The following LIPC variants were observed in gnomAD, a reference collection of about 807,000 sequenced individuals.
The protein encoded by LIPC is hepatic triacylglycerol lipase.
In LIPC, 44 loss-of-function variants were observed where a neutral mutation model predicts 50.7. That is an observed-to-expected ratio of 0.87 (90% confidence interval 0.68 to 1.11). The LOEUF is 1.11. Among genes scored for constraint, LIPC ranks in the 50% most tolerant of loss-of-function variants. The probability of loss-of-function intolerance (pLI) is 0.00; values close to 1 mark genes in which losing one functional copy is unlikely to be tolerated. For synonymous variants in LIPC, 271 were observed against 256.4 expected (o/e 1.06, Z -0.54); for missense variants, 697 against 648.2 (o/e 1.08, Z -0.82).
At chr15:58,559,358 C>T (rs1354320499) in intron 6 of LIPC, among the ~76,000 whole-genome samples, 2 of 152,216 alleles carry the variant, frequency 1.3e-5, no homozygotes, top group Non-Finnish European at 2.9e-5. Context: ...TAAGCACCTA[C>T]TGTGTGCAAG....
At chr15:58,560,233 G>A (rs1195656586) in intron 6 of LIPC, among the ~76,000 whole-genome samples, 6 of 152,204 alleles carry the variant, frequency 3.9e-5, no homozygotes, top group Admixed American at 2.0e-4. Flanking sequence ...ATCAGTAGGA[G>A]GACATTCCAG....
intron 1 of LIPC, chr15:58,436,805 T>C (rs1202299356): frequency 2.2e-6 from 1 of 456,220 alleles, no homozygotes; most frequent in Admixed American, 2.3e-5. Context: ...TGTTGAAGGA[T>C]GGTATCCGGA....
intron 4 of LIPC, among the ~76,000 whole-genome samples, chr15:58,545,070 T>G (rs1893475359): frequency 6.6e-6 from 1 of 152,214 alleles, no homozygotes; most frequent in Non-Finnish European, 1.5e-5. Flanking sequence ...GGGAAATTAT[T>G]GACAACATAC....
chr15:58,512,328 A>T (rs1892353956), intron 1 of LIPC, among the ~76,000 whole-genome samples: 1 of 152,166 alleles, frequency 6.6e-6, no homozygotes, highest in Non-Finnish European at 1.5e-5. Context: ...CGAACTCCTG[A>T]CGTCAGGTCA....
intron 1 of LIPC, among the ~76,000 whole-genome samples, chr15:58,453,793 G>C (rs569723424): frequency 1.3e-5 from 2 of 151,944 alleles, no homozygotes; most frequent in Middle Eastern, 6.8e-3. Context: ...GGGAGGCTGA[G>C]GTGGGAGAAT....
intron 1 of LIPC, among the ~76,000 whole-genome samples, chr15:58,447,522 G>A (rs1893742302): frequency 2.0e-5 from 3 of 152,200 alleles, no homozygotes; most frequent in Admixed American, 1.3e-4. Flanking sequence ...CAGCAGGAGT[G>A]AGAAGAGGCG....
chr15:58,506,637 G>T (rs566483785), intron 1 of LIPC, among the ~76,000 whole-genome samples: 11 of 152,266 alleles, frequency 7.2e-5, no homozygotes, highest in African/African-American at 2.6e-4. Context: ...CTGCTGAGAG[G>T]CTCCCCTAAC....
intron 1 of LIPC, among the ~76,000 whole-genome samples, chr15:58,510,934 T>C (rs1392352115): frequency 6.6e-6 from 1 of 152,250 alleles, no homozygotes; most frequent in Admixed American, 6.5e-5. Context: ...CTTCCAGAAA[T>C]ACTTTAGTAT....
At chr15:58,477,129 G>C (rs1891026701) in intron 1 of LIPC, among the ~76,000 whole-genome samples, 1 of 152,192 alleles carries the variant, frequency 6.6e-6, no homozygotes, top group Non-Finnish European at 1.5e-5. Flanking sequence ...ATAGTCCACA[G>C]GCATCAGAGG....
In LIPC at chr15:58,568,829, ATTT is replaced by A. The variant is rs1430552865; in HGVS notation, c.*3_*5del. 1 of 1,543,684 alleles carries A rather than the reference ATTT, an allele frequency of 6.5e-7. No individual in the cohort carries two copies. The highest frequency in any genetic ancestry group is 2.3e-5 in the East Asian group (1 of 44,008). ...ACATCAAAGCGAAAGATCAGATGAG[ATTT>A]AATGAAGACCCAGTGTAAAGAATAA... On this transcript the variant is annotated 3_prime_UTR_variant, in exon 9 of 9. Transcript: ENST00000299022.
chr15:58,541,998 C>G, intron 3 of LIPC, 31 bp downstream of exon 3: 2 of 1,588,524 alleles, frequency 1.3e-6, no homozygotes, highest in East Asian at 2.3e-5. Context: ...TCCTTCACCT[C>G]CCTTCCCTCC....
chr15:58,499,422 G>T (rs1891894021), intron 1 of LIPC, among the ~76,000 whole-genome samples: 1 of 152,164 alleles, frequency 6.6e-6, no homozygotes, highest in Non-Finnish European at 1.5e-5. Flanking sequence ...CCTAAACTAG[G>T]ATTCTTTAGG....
At chr15:58,432,788 G>A (rs546445539) in intron 1 of LIPC, among the ~76,000 whole-genome samples, 2 of 152,302 alleles carry the variant, frequency 1.3e-5, no homozygotes, top group African/African-American at 2.4e-5. Flanking sequence ...ATAAATGACG[G>A]ATCAGTTAAT....
chr15:58,557,655 G>A (rs536342617), intron 6 of LIPC, among the ~76,000 whole-genome samples: 4 of 152,176 alleles, frequency 2.6e-5, no homozygotes, highest in African/African-American at 9.6e-5. Context: ...AAAGTGCTGG[G>A]ATTACAGGCG....
At chr15:58,538,713 G>T (rs2140906805) in intron 2 of LIPC, among the ~76,000 whole-genome samples, 196 bp downstream of exon 2, 1 of 152,268 alleles carries the variant, frequency 6.6e-6, no homozygotes, top group South Asian at 2.1e-4. Context: ...TGAGTAAGCA[G>T]CGTGAGAAAA....
rs151028407 is a variant in LIPC, at chr15:58,518,232, C to G, written c.89-20101C>G. ...AACCAAAACTATCTCCAGGTGTTGC[C>G]ATGTTTCCAAATGCCCCAAGGTGGG... is the stretch of plus-strand genomic sequence containing the variant. On this transcript the variant is annotated intron_variant, in intron 1 of 8. Transcript: ENST00000299022. 1.1e-3 allele frequency among the ~76,000 whole-genome samples: 165 copies of G among 152,326 alleles called. 3 individuals are homozygous for G. In the East Asian group the frequency reaches 0.028, roughly 26 times the overall value.
At chr15:58,530,410 C>T (rs1363137761) in intron 1 of LIPC, among the ~76,000 whole-genome samples, 2 of 152,232 alleles carry the variant, frequency 1.3e-5, no homozygotes, top group African/African-American at 4.8e-5. Context: ...ACAGCCTGTC[C>T]TCTCAGGCCT....
intron 1 of LIPC, among the ~76,000 whole-genome samples, chr15:58,477,191 G>C (rs780715487): frequency 6.6e-6 from 1 of 152,242 alleles, no homozygotes; most frequent in African/African-American, 2.4e-5. Context: ...GAGGAAAGCA[G>C]CTTTGCTATC....
chr15:58,566,863 C>T (rs1361424978), intron 8 of LIPC, among the ~76,000 whole-genome samples: 1 of 152,102 alleles, frequency 6.6e-6, no homozygotes, highest in Non-Finnish European at 1.5e-5. Context: ...GGACAACACC[C>T]AGAGTTAGTA....
Sources: allele counts gnomAD v4.1 joint callset (sites outside exome capture counted in the v4.1 genomes callset), GRCh38; gene constraint gnomAD v4.1.1; transcripts MANE v1.5; gene names NCBI Gene and HGNC (gene_info 2026-07-23, HGNC 2026-07-21).